Variants in VWA3B observed in about 807,000 individuals in gnomAD.
VWA3B encodes von Willebrand factor A domain containing 3B.
A neutral mutation model predicts 158.3 loss-of-function variants in VWA3B; 138 were observed. That is an observed-to-expected ratio of 0.87 (90% confidence interval 0.76 to 1.00). The LOEUF is 1.00. Ranked by LOEUF, VWA3B falls within the 50% of genes least tolerant of loss-of-function variation. The pLI is 0.00. For synonymous variants in VWA3B, 596 were observed against 587.3 expected, an observed-to-expected ratio of 1.01 and a Z score of -0.21; for missense variants, 1,555 against 1,565.1, an observed-to-expected ratio of 0.99 and a Z score of 0.11.
intron 22 of VWA3B, among the ~76,000 whole-genome samples, chr2:98,272,929 T>G (rs1448779294): frequency 1.3e-5 from 2 of 152,142 alleles, no homozygotes; most frequent in African/African-American, 2.4e-5. Flanking sequence ...TGTGATGCCT[T>G]TTGCCAGGTT....
At chr2:98,187,612 C>T (rs1681192132) in intron 9 of VWA3B, among the ~76,000 whole-genome samples, 1 of 151,784 alleles carries the variant, frequency 6.6e-6, no homozygotes, top group Admixed American at 6.6e-5. Context: ...GTATCTAATT[C>T]TCCACATTGC....
rs1683073618 is a variant in VWA3B, at chr2:98,206,958, G to A, written c.1738-4972G>A. On this transcript the variant is annotated intron_variant, in intron 12 of 27. Transcript: ENST00000477737. ...CCAAGGTAATGCTGATGTAAGGTCA[G>A]ATGAATGAACCACATGCTACTCATG... 6.3e-6 allele frequency: 3 copies of A among 478,710 alleles called. No homozygotes were observed. In the East Asian group the frequency reaches 1.8e-4, roughly 29 times the overall value. 29.7% of individuals were successfully genotyped at this position (478,710 alleles called of 1,614,324 possible).
At chr2:98,123,640 AC>A (rs1488216951) in intron 5 of VWA3B, among the ~76,000 whole-genome samples, 4 of 152,178 alleles carry the variant, frequency 2.6e-5, no homozygotes, top group Non-Finnish European at 4.4e-5. Context: ...ATGAAAAGGA[AC>A]CTGGCTCACT....
At chr2:98,327,572 T>C in the VWA3B span, among the ~76,000 whole-genome samples, 5 of 152,224 alleles carry the variant, frequency 3.3e-5, no homozygotes, top group African/African-American at 1.2e-4. Flanking sequence ...AGAGCTCTTC[T>C]GAATAGGTGG....
intron 12 of VWA3B, among the ~76,000 whole-genome samples, chr2:98,203,796 C>T (rs1205871736): frequency 1.3e-5 from 2 of 152,190 alleles, no homozygotes; most frequent in African/African-American, 2.4e-5. Flanking sequence ...AGTAGGCTTA[C>T]GTACTATTTC....
At chr2:98,164,405 C>G (rs947451478) in intron 8 of VWA3B, among the ~76,000 whole-genome samples, 2 of 152,204 alleles carry the variant, frequency 1.3e-5, no homozygotes, top group Admixed American at 6.5e-5. Context: ...GTAGTAACAG[C>G]AATATGACCA....
intron 24 of VWA3B, among the ~76,000 whole-genome samples, chr2:98,299,619 T>A (rs1690052005): frequency 6.6e-6 from 1 of 152,352 alleles, no homozygotes; most frequent in Admixed American, 6.5e-5. Flanking sequence ...ATCCTTTTTC[T>A]GCTGCAAATT....
intron 7 of VWA3B, among the ~76,000 whole-genome samples, chr2:98,134,404 G>A (rs1277716688): frequency 1.3e-5 from 2 of 152,116 alleles, no homozygotes; most frequent in African/African-American, 2.4e-5. Flanking sequence ...TTACGGAGGC[G>A]GAATGAACTT....
At chr2:98,188,369 C>T (rs1681302499) in intron 10 of VWA3B, among the ~76,000 whole-genome samples, 1 of 152,108 alleles carries the variant, frequency 6.6e-6, no homozygotes, top group Non-Finnish European at 1.5e-5. Context: ...AAAATTCTCT[C>T]ATTTAGCTTT....
At chr2:98,271,971 C>T (rs151151502) in intron 22 of VWA3B, among the ~76,000 whole-genome samples, 3 of 152,308 alleles carry the variant, frequency 2.0e-5, no homozygotes, top group Admixed American at 6.5e-5. Context: ...TTCTCTCAAC[C>T]GGTGCTCTCG....
chr2:98,258,272 T>C (rs1687279275), intron 21 of VWA3B, among the ~76,000 whole-genome samples: 1 of 151,938 alleles, frequency 6.6e-6, no homozygotes, highest in Non-Finnish European at 1.5e-5. Flanking sequence ...TTGTATTCAG[T>C]TTTGAAATTA....
At chr2:98,229,928 A>G in intron 15 of VWA3B, 122 bp from the exon 16 acceptor site, 1 of 1,092,368 alleles carries the variant, frequency 9.2e-7, no homozygotes, top group Non-Finnish European at 1.3e-6. Context: ...CAGATGGGGG[A>G]AGGCTTACTT....
chr2:98,277,068 G>A (rs562432562), intron 22 of VWA3B, among the ~76,000 whole-genome samples: 4 of 152,252 alleles, frequency 2.6e-5, no homozygotes, highest in African/African-American at 7.2e-5. Flanking sequence ...AGTGAGAGCC[G>A]TTATTCCCAC....
At chr2:98,105,939 A>AT (rs1251066304) in intron 2 of VWA3B, among the ~76,000 whole-genome samples, 1 of 151,684 alleles carries the variant, frequency 6.6e-6, no homozygotes, top group Non-Finnish European at 1.5e-5. Context: ...TTTTTGAGAC[A>AT]GAGTCTCGCT....
intron 8 of VWA3B, among the ~76,000 whole-genome samples, chr2:98,164,210 G>A (rs936822136): frequency 6.6e-6 from 1 of 152,122 alleles, no homozygotes; most frequent in Non-Finnish European, 1.5e-5. Flanking sequence ...GACACAGGCT[G>A]GGGAAAAAGT....
At chr2:98,234,420 C>T (rs1685539769) in intron 16 of VWA3B, among the ~76,000 whole-genome samples, 1 of 152,150 alleles carries the variant, frequency 6.6e-6, no homozygotes, top group African/African-American at 2.4e-5. Flanking sequence ...CTGCCAGCAG[C>T]CTGAATGAGT....
chr2:98,150,197 GTATT>G (rs1476223261), intron 7 of VWA3B, among the ~76,000 whole-genome samples: 7 of 152,154 alleles, frequency 4.6e-5, no homozygotes, highest in African/African-American at 1.4e-4. Context: ...TCATGTAAAA[GTATT>G]TATTTATTCT....
intron 19 of VWA3B, among the ~76,000 whole-genome samples, chr2:98,245,783 A>C (rs1465764348): frequency 6.6e-6 from 1 of 152,196 alleles, no homozygotes; most frequent in Non-Finnish European, 1.5e-5. Flanking sequence ...GAAAAACCCA[A>C]GGGACTTTCA....
At chr2:98,170,084 A>G (rs1679455107) in intron 8 of VWA3B, among the ~76,000 whole-genome samples, 1 of 152,118 alleles carries the variant, frequency 6.6e-6, no homozygotes, top group Non-Finnish European at 1.5e-5. Context: ...TGGTGATCGC[A>G]CCACTGCATT....
Sources: gnomAD v4.1 joint callset for allele counts (sites outside exome capture counted in the v4.1 genomes callset) on GRCh38, gnomAD v4.1.1 for gene constraint, MANE v1.5 for transcripts, NCBI Gene and HGNC (gene_info 2026-07-23, HGNC 2026-07-21) for gene names.